SECISBP2L: variants seen among roughly 807,000 people sequenced by gnomAD.
SECISBP2L encodes the protein selenocysteine insertion sequence-binding protein 2-like.
A neutral mutation model predicts 114.7 loss-of-function variants in SECISBP2L; 43 were observed. That is an observed-to-expected ratio of 0.38 (90% confidence interval 0.29 to 0.48). SECISBP2L has a LOEUF of 0.48. SECISBP2L is among the 20% of genes least tolerant of loss of function. SECISBP2L has a pLI of 0.98. For synonymous variants in SECISBP2L, 451 were observed against 439.7 expected, an observed-to-expected ratio of 1.03 and a Z score of -0.32; for missense variants, 1,136 against 1,301.1, an observed-to-expected ratio of 0.87 and a Z score of 1.95.
At chr15:49,030,201 A>T (rs889552653) in intron 4 of SECISBP2L, among the ~76,000 whole-genome samples, 1 of 152,234 alleles carries the variant, frequency 6.6e-6, no homozygotes, top group East Asian at 1.9e-4. Context: ...AGTCTTCATA[A>T]TTATAAGATG....
chr15:49,008,708 A>G (rs1902372329), intron 14 of SECISBP2L, among the ~76,000 whole-genome samples: 1 of 152,238 alleles, frequency 6.6e-6, no homozygotes, highest in Admixed American at 6.5e-5. Context: ...CTTCACAGCA[A>G]TAACTGTTAA....
Position 49,000,895 on chromosome 15 carries a change from C to G in SECISBP2L, c.2230G>C (p.Glu744Gln). The stretch of plus-strand genomic sequence containing the variant: ...CGCATACCTTTTGACTGGATTTTTT[C>G]ACAGTTTGGAGAAATTATAACACAC... ...IKCVIISPNC[E>Q]KIQSKGGLDE... Residue 744 changes from glutamate to glutamine, a missense_variant, in exon 15 of 18, where the codon GAA becomes CAA. Physicochemically the swap from Glu to Gln is conservative, Grantham distance 29 (BLOSUM62 2). Coordinates refer to ENST00000559471, the MANE Select transcript of SECISBP2L (RefSeq NM_001193489.2). The G allele has an allele frequency of 6.2e-7, 1 of 1,612,484 alleles. No homozygotes were observed. The highest frequency in any genetic ancestry group is 8.5e-7 in the Non-Finnish European group (1 of 1,179,490).
intron 7 of SECISBP2L, among the ~76,000 whole-genome samples, chr15:49,026,509 T>C (rs1253990926): frequency 6.6e-6 from 1 of 152,188 alleles, no homozygotes; most frequent in Non-Finnish European, 1.5e-5. Context: ...TTATCATGTG[T>C]CGACTAGAAA....
chr15:49,001,637 G>C (rs532075623), intron 14 of SECISBP2L: 2 of 152,224 alleles, frequency 1.3e-5, no homozygotes, highest in African/African-American at 4.8e-5. Context: ...GACAGGCCCC[G>C]GTGTGTGATG....
In SECISBP2L at chr15:48,990,316, G is replaced by GT. The variant is rs1901946047; in HGVS notation, c.*1927dup. On this transcript the variant is annotated 3_prime_UTR_variant, in exon 18 of 18. Transcript: ENST00000559471. ...AGTTTTTAAATTCACTTTTAAGACT[G>GT]TCAGTAGTTCAAAACCTCTATCATT... The GT allele has an allele frequency of 6.6e-6, 1 of 152,554 alleles. No homozygotes were observed. Among genetic ancestry groups the GT allele is most frequent in the Admixed American group, 6.5e-5 (1 of 15,278 alleles). The allele number at this position is 152,554 out of a possible 1,614,324, so 9.5% of individuals were successfully genotyped here.
At chr15:49,033,287 A>G (rs1297496337) in intron 3 of SECISBP2L, among the ~76,000 whole-genome samples, 187 bp from the exon 4 acceptor site, 1 of 152,218 alleles carries the variant, frequency 6.6e-6, no homozygotes, top group Non-Finnish European at 1.5e-5. Context: ...ATACGAGGCT[A>G]AACAATGTAT....
intron 17 of SECISBP2L, among the ~76,000 whole-genome samples, chr15:48,993,760 G>C (rs1902036841): frequency 6.6e-6 from 1 of 151,830 alleles, no homozygotes. Context: ...CTACAGTGAT[G>C]ACAAACTAAA....
At chr15:49,019,269 G>A in intron 8 of SECISBP2L, 149 bp downstream of exon 8, 1 of 562,470 alleles carries the variant, frequency 1.8e-6, no homozygotes. Context: ...AGACAAAAAT[G>A]AGTTAATACT....
chr15:49,005,281 G>C (rs961815572), intron 14 of SECISBP2L, among the ~76,000 whole-genome samples: 3 of 152,110 alleles, frequency 2.0e-5, no homozygotes, highest in African/African-American at 4.8e-5. Flanking sequence ...AATAAGCCGA[G>C]ATCGCGCCAC....
chr15:49,046,367 G>T lies in SECISBP2L; in HGVS notation c.-68C>A. On this transcript the variant is annotated 5_prime_UTR_variant, in exon 1 of 18. Coordinates refer to ENST00000559471, the MANE Select transcript of SECISBP2L (RefSeq NM_001193489.2). ...AGCGCCTCGGGCCGCTTTCTCCATG[G>T]CCCCCCGCTCGGGTCCAGACTGGGT... 1.4e-6 allele frequency: 2 copies of T among 1,404,446 alleles called. No individual in the cohort carries two copies. The highest frequency in any genetic ancestry group is 9.3e-7 in the Non-Finnish European group (1 of 1,069,578). 87.0% of individuals were successfully genotyped at this position (1,404,446 alleles called of 1,614,324 possible).
intron 4 of SECISBP2L, among the ~76,000 whole-genome samples, chr15:49,030,004 A>C (rs1902852330): frequency 6.9e-6 from 1 of 144,930 alleles, no homozygotes; most frequent in Non-Finnish European, 1.5e-5. Context: ...ACTGAGTTGT[A>C]TTTCTTATTT....
intron 1 of SECISBP2L, among the ~76,000 whole-genome samples, chr15:49,045,519 T>A (rs771432325): frequency 5.3e-5 from 8 of 152,220 alleles, no homozygotes; most frequent in Non-Finnish European, 1.2e-4. Context: ...TTGTTTTCGA[T>A]TACTTTTAAC....
chr15:49,045,480 A>T (rs2141091748), intron 1 of SECISBP2L, among the ~76,000 whole-genome samples: 1 of 152,332 alleles, frequency 6.6e-6, no homozygotes, highest in Non-Finnish European at 1.5e-5. Flanking sequence ...CAGAGATCTT[A>T]AGAGTGGAAA....
At chr15:49,033,786 T>C (rs1214390991) in intron 3 of SECISBP2L, among the ~76,000 whole-genome samples, 1 of 152,208 alleles carries the variant, frequency 6.6e-6, no homozygotes. Context: ...GAGCAATGAT[T>C]GCTCTACTGT....
intron 13 of SECISBP2L, among the ~76,000 whole-genome samples, chr15:49,010,154 C>CACACACACACACACACACACA (rs3220511): frequency 1.7e-4 from 25 of 149,948 alleles, no homozygotes; most frequent in South Asian, 8.4e-4. Context: ...CACACACACA[C>CACACACACACACACACACACA]CCCTCTTGCC....
At chr15:48,999,547 G>A (rs1184954072) in intron 16 of SECISBP2L, among the ~76,000 whole-genome samples, 1 of 151,978 alleles carries the variant, frequency 6.6e-6, no homozygotes. Flanking sequence ...TTAACCAGCA[G>A]TAAAATAAAT....
In SECISBP2L at chr15:48,992,571, A is replaced by ATCT. The variant is rs201240214; in HGVS notation, c.2976_2978dup (p.Glu992dup). Reference sequence around the variant, plus strand: ...AATCTTCCTCCTCCTCCTCATCTTCATCTTCTTCTTCTTCAAGCATGCCAG... The same window carrying ATCT: ...AATCTTCCTCCTCCTCCTCATCTTCATCTTCTTCTTCTTCTTCAAGCATGCCAG... On this transcript the variant is annotated inframe_insertion, in exon 18 of 18. Coordinates refer to ENST00000559471, the MANE Select transcript of SECISBP2L (RefSeq NM_001193489.2). The ATCT allele has an allele frequency of 1.3e-5, 21 of 1,613,774 alleles. No homozygotes were observed. The highest frequency in any genetic ancestry group is 1.8e-5 in the Non-Finnish European group (21 of 1,179,944).
At chr15:49,004,271 G>A (rs1050157559) in intron 14 of SECISBP2L, among the ~76,000 whole-genome samples, 3 of 152,080 alleles carry the variant, frequency 2.0e-5, no homozygotes, top group East Asian at 3.9e-4. Context: ...TATTTCTGTG[G>A]GATCAGTTGT....
chr15:49,028,381 C>T (rs1902801353), intron 5 of SECISBP2L, 72 bp downstream of exon 5: 1 of 1,425,276 alleles, frequency 7.0e-7, no homozygotes, highest in East Asian at 2.3e-5. Context: ...GATACTTAAG[C>T]TTTAGCAGAG....
Sources: allele counts gnomAD v4.1 joint callset (sites outside exome capture counted in the v4.1 genomes callset), GRCh38; gene constraint gnomAD v4.1.1; transcripts MANE v1.5; gene names NCBI Gene and HGNC (gene_info 2026-07-23, HGNC 2026-07-21).